Variants in ABCA13 observed in about 807,000 individuals in gnomAD.
ABCA13 encodes ATP-binding cassette sub-family A member 13.
ABCA13 carries 476 observed loss-of-function variants against 478.7 expected under a neutral mutation model. The ratio of observed to expected loss-of-function variants is 0.99; its 90% CI spans 0.92 to 1.07. The LOEUF is 1.07. Among genes scored for constraint, ABCA13 ranks in the 50% least tolerant of loss-of-function variants. The pLI is 0.00. For missense variants in ABCA13, 6,060 were observed against 5,910.6 expected (o/e 1.03, Z -0.83); for synonymous variants, 2,252 against 2,158.9 (o/e 1.04, Z -1.20).
chr7:48,576,656 G>A (rs1445946098), intron 55 of ABCA13, among the ~76,000 whole-genome samples: 1 of 152,078 alleles, frequency 6.6e-6, no homozygotes, highest in African/African-American at 2.4e-5. Context: ...GTGCTCCTGT[G>A]TAATAACCAG....
intron 58 of ABCA13, among the ~76,000 whole-genome samples, chr7:48,613,644 T>C (rs1585985858): frequency 1.3e-5 from 2 of 151,296 alleles, no homozygotes; most frequent in East Asian, 3.9e-4. Context: ...AATTCTTTAG[T>C]GTATTACTGA....
At chr7:48,191,397 G>T (rs533029821) in intron 1 of ABCA13, among the ~76,000 whole-genome samples, 186 of 152,316 alleles carry the variant, frequency 1.2e-3, no homozygotes, top group Non-Finnish European at 2.2e-3. Context: ...CAAAGACGGT[G>T]ATTTATTTTT....
chr7:48,622,065 CCTT>C (rs1793192516), intron 59 of ABCA13, among the ~76,000 whole-genome samples: 1 of 152,214 alleles, frequency 6.6e-6, no homozygotes, highest in East Asian at 1.9e-4. Flanking sequence ...CCAGCGCTTC[CCTT>C]CTTCTCTCCC....
chr7:48,286,513 TTCC>T, intron 19 of ABCA13, among the ~76,000 whole-genome samples: 1 of 151,878 alleles, frequency 6.6e-6, no homozygotes, highest in East Asian at 1.9e-4. Context: ...CCTTCCTTCC[TTCC>T]TTTTTTCAGA....
At chr7:48,394,113 C>T (rs183079631) in intron 38 of ABCA13, among the ~76,000 whole-genome samples, 2 of 152,348 alleles carry the variant, frequency 1.3e-5, no homozygotes, top group East Asian at 3.9e-4. Flanking sequence ...TGGCCCTTCT[C>T]TGCCAACTGC....
intron 39 of ABCA13, among the ~76,000 whole-genome samples, chr7:48,410,111 A>AAAAAAAAAAAAT: frequency 6.7e-6 from 1 of 148,658 alleles, no homozygotes; most frequent in Admixed American, 6.7e-5. Context: ...AAAAAAAAAA[A>AAAAAAAAAAAAT]GGATGAGGAA....
chr7:48,274,550 A>G lies in ABCA13; in HGVS notation c.4884A>G (p.Thr1628=), dbSNP rs1796042657. The change falls in exon 17 of 62, where the codon ACA becomes ACG. Residue 1628 remains threonine (T), a synonymous_variant. Transcript: ENST00000435803. ...IIISPEIMKA[T]GLGIQLIRDV... Reference sequence around the variant, plus strand: ...TTTCACCTGAAATAATGAAAGCTACAGGTCTTGGTATTCAACTGATAAGGG... The same window carrying G: ...TTTCACCTGAAATAATGAAAGCTACGGGTCTTGGTATTCAACTGATAAGGG... The G allele has an allele frequency of 1.9e-6, 3 of 1,613,870 alleles. No individual in the cohort carries two copies. Among genetic ancestry groups the G allele is most frequent in the Non-Finnish European group, 8.5e-7 (1 of 1,179,842 alleles).
intron 48 of ABCA13, among the ~76,000 whole-genome samples, chr7:48,495,503 C>T (rs1169032043): frequency 2.6e-5 from 4 of 152,036 alleles, no homozygotes; most frequent in African/African-American, 9.7e-5. Context: ...AAAAAGTATT[C>T]TACTCTTGTT....
At chr7:48,429,350 T>A (rs1401621959) in intron 42 of ABCA13, among the ~76,000 whole-genome samples, 2 of 152,220 alleles carry the variant, frequency 1.3e-5, no homozygotes, top group Non-Finnish European at 2.9e-5. Flanking sequence ...ACTGCTAGAC[T>A]GTCATCTAAA....
At chr7:48,470,598 C>T (rs945552916) in intron 44 of ABCA13, among the ~76,000 whole-genome samples, 2 of 152,166 alleles carry the variant, frequency 1.3e-5, no homozygotes, top group East Asian at 1.9e-4. Context: ...GAAATCTTTA[C>T]GTTATTTTTG....
At position 48,627,265 on chromosome 7, in the gene ABCA13, T is replaced by C. The variant is rs1161561554; in HGVS notation, c.14837+11888T>C. On this transcript the variant is annotated intron_variant, in intron 59 of 61. Transcript: ENST00000435803. ...CAATTTCTTGACTCTAAGTTTCTTA[T>C]TCTTTCTATACCACTTCAATAGTCT... 7.9e-5 allele frequency among the ~76,000 whole-genome samples: 12 copies of C among 151,604 alleles called. 1 individual carries two copies. In the East Asian group the frequency reaches 1.9e-3, roughly 25 times the overall value.
chr7:48,408,828 G>C (rs1189649837), intron 39 of ABCA13, among the ~76,000 whole-genome samples: 3 of 152,022 alleles, frequency 2.0e-5, no homozygotes, highest in Non-Finnish European at 4.4e-5. Flanking sequence ...TATTTTTCCT[G>C]ATCCTCTCCC....
Position 48,272,060 on chromosome 7 carries a change from C to G in ABCA13, c.2394C>G (p.Asn798Lys). 1 of 1,613,580 alleles carries G rather than the reference C, an allele frequency of 6.2e-7. No homozygotes were observed. Among genetic ancestry groups the G allele is most frequent in the Non-Finnish European group, 8.5e-7 (1 of 1,179,730 alleles). The change falls in exon 17 of 62, where the codon AAC becomes AAG. Residue 798 changes from asparagine to lysine, a missense_variant. Coordinates refer to ENST00000435803, the MANE Select transcript of ABCA13 (RefSeq NM_152701.5). ...TDAQKLLEFG[N>K]EVIWKMQTLG... is the part of the protein sequence containing the mutation. ...CTCAGAAACTCTTGGAATTTGGCAA[C>G]GAAGTGATTTGGAAAATGCAGACTC...
chr7:48,283,202 G>T (rs552144904), intron 19 of ABCA13, among the ~76,000 whole-genome samples: 1 of 152,212 alleles, frequency 6.6e-6, no homozygotes, highest in African/African-American at 2.4e-5. Flanking sequence ...ACCGGCCCCA[G>T]GATGGCTAAT....
chr7:48,619,888 T>C, intron 59 of ABCA13, among the ~76,000 whole-genome samples: 1 of 152,142 alleles, frequency 6.6e-6, no homozygotes, highest in Non-Finnish European at 1.5e-5. Flanking sequence ...GCACCTACCC[T>C]AGAGAGACAA....
intron 42 of ABCA13, among the ~76,000 whole-genome samples, chr7:48,443,048 T>C (rs1823841681): frequency 6.6e-6 from 1 of 151,986 alleles, no homozygotes; most frequent in Non-Finnish European, 1.5e-5. Context: ...AATGTACGCA[T>C]AAAAAGAGAC....
At chr7:48,193,081 G>T in intron 2 of ABCA13, 29 bp downstream of exon 2, 1 of 1,467,792 alleles carries the variant, frequency 6.8e-7, no homozygotes, top group Non-Finnish European at 9.1e-7. Flanking sequence ...TATACTTTTT[G>T]AATTAACCTT....
In ABCA13 at chr7:48,219,648, C is replaced by T; in HGVS notation, c.439+143C>T. The T allele has an allele frequency of 2.7e-6, 3 of 1,106,668 alleles. No homozygotes were observed. The South Asian group carries it at 5.2e-5, about 19-fold the overall frequency. 68.6% of individuals were successfully genotyped at this position (1,106,668 alleles called of 1,614,324 possible). A position where few individuals can be genotyped will look rare whatever the true frequency, so the allele number is the denominator to read the frequency against. ...ATAGTGAGTCTTTGATGGATGAGGC[C>T]AGCACCTGCAGACGGTTGTGGAGGG... is the stretch of plus-strand genomic sequence containing the variant. On this transcript the variant is annotated intron_variant, in intron 4 of 61. Transcript: ENST00000435803.
chr7:48,505,558 TG>T (rs1173947064), intron 48 of ABCA13, among the ~76,000 whole-genome samples: 6 of 152,190 alleles, frequency 3.9e-5, no homozygotes, highest in African/African-American at 1.4e-4. Context: ...TTTGTGCCTT[TG>T]GTAATGGCCT....
Sources: allele counts gnomAD v4.1 joint callset (sites outside exome capture counted in the v4.1 genomes callset), GRCh38; gene constraint gnomAD v4.1.1; transcripts MANE v1.5; gene names NCBI Gene and HGNC (gene_info 2026-07-23, HGNC 2026-07-21).